The following WLS variants were observed in gnomAD, a reference collection of about 807,000 sequenced individuals.
WLS encodes protein wntless homolog.
WLS carries 23 observed loss-of-function variants against 62.8 expected under a neutral mutation model. That is an observed-to-expected ratio of 0.37 (90% CI 0.26 to 0.52). The LOEUF is 0.52. WLS is among the 20% of genes least tolerant of loss of function. WLS has a pLI of 0.92. For synonymous variants in WLS, 246 were observed against 244.1 expected, an observed-to-expected ratio of 1.01 and a Z score of -0.07; for missense variants, 615 against 697.3, an observed-to-expected ratio of 0.88 and a Z score of 1.33.
At chr1:68,226,416 A>G (rs1027433063) in intron 1 of WLS, among the ~76,000 whole-genome samples, 1 of 152,202 alleles carries the variant, frequency 6.6e-6, no homozygotes, top group Non-Finnish European at 1.5e-5. Flanking sequence ...TGTACAGATG[A>G]AATTAGACAG....
chr1:68,226,004 G>A (rs894536410), intron 1 of WLS, among the ~76,000 whole-genome samples: 4 of 152,192 alleles, frequency 2.6e-5, no homozygotes, highest in African/African-American at 9.7e-5. Flanking sequence ...AATGGAATTG[G>A]TTGGACTGGC....
chr1:68,125,111 A>G (rs1182840045), downstream of WLS, among the ~76,000 whole-genome samples: 1 of 152,214 alleles, frequency 6.6e-6, no homozygotes, highest in African/African-American at 2.4e-5. Flanking sequence ...TGAATAGGGC[A>G]GAGGACGGCT....
chr1:68,143,334 C>G (rs1646711660), intron 10 of WLS, among the ~76,000 whole-genome samples: 1 of 152,156 alleles, frequency 6.6e-6, no homozygotes, highest in African/African-American at 2.4e-5. Flanking sequence ...GTTCTGATCT[C>G]TAACTTATTG....
chr1:68,111,549 T>A (rs1248694875), intron 11 of WLS, among the ~76,000 whole-genome samples: 2 of 152,210 alleles, frequency 1.3e-5, no homozygotes, highest in African/African-American at 4.8e-5. Flanking sequence ...TGGGGGACCC[T>A]GCTGGCTAAA....
At chr1:68,190,987 G>T (rs904287086) in intron 2 of WLS, among the ~76,000 whole-genome samples, 1 of 151,776 alleles carries the variant, frequency 6.6e-6, no homozygotes, top group Non-Finnish European at 1.5e-5. Flanking sequence ...GATCACGGGA[G>T]GTGGAGGTTG....
chr1:68,126,292 G>A lies in WLS; in HGVS notation c.1560C>T (p.Thr520=). The A allele has an allele frequency of 1.2e-6, 2 of 1,614,146 alleles. No homozygotes were observed. Among genetic ancestry groups the A allele is most frequent in the Non-Finnish European group, 1.7e-6 (2 of 1,180,034 alleles). ...TGGGTCCGTCCACATGGGTGATAGT[G>A]GTGGTGAGCTGGAGTTCTTCCCCAC... is the stretch of plus-strand genomic sequence containing the variant. The part of the protein sequence containing the change: ...VHSGEELQLT[T]TITHVDGPTE... The change falls in exon 12 of 12, where the codon ACC becomes ACT. Residue 520 remains threonine (T), a synonymous_variant. Transcript: ENST00000262348.
At chr1:68,098,807 T>C in intron 11 of WLS, 2 of 1,580,778 alleles carry the variant, frequency 1.3e-6, no homozygotes, top group South Asian at 1.1e-5. Context: ...TAAAAAAATA[T>C]GTAACATGGA....
chr1:68,138,375 C>T (rs1646640536), intron 10 of WLS: 1 of 159,004 alleles, frequency 6.3e-6, no homozygotes, highest in Non-Finnish European at 1.4e-5. Flanking sequence ...TAGATTAATT[C>T]AAATCCAGTG....
At chr1:68,196,438 T>C (rs1648662131) in intron 1 of WLS, among the ~76,000 whole-genome samples, 1 of 152,094 alleles carries the variant, frequency 6.6e-6, no homozygotes, top group Non-Finnish European at 1.5e-5. Flanking sequence ...ATACTTGGTA[T>C]ATTATGTTTG....
intron 10 of WLS, among the ~76,000 whole-genome samples, chr1:68,140,006 A>T (rs765822896): frequency 2.6e-5 from 4 of 152,270 alleles, no homozygotes; most frequent in Non-Finnish European, 5.9e-5. Flanking sequence ...TAACACAAAT[A>T]TTAGCAAAGC....
chr1:68,126,885 G>A (rs759951514), intron 11 of WLS, among the ~76,000 whole-genome samples: 1 of 152,124 alleles, frequency 6.6e-6, no homozygotes, highest in Non-Finnish European at 1.5e-5. Context: ...CAACACATTT[G>A]CTATGAATAA....
chr1:68,188,956 T>C (rs2100589846), intron 2 of WLS, among the ~76,000 whole-genome samples: 1 of 152,364 alleles, frequency 6.6e-6, no homozygotes, highest in Non-Finnish European at 1.5e-5. Context: ...CTCCTCCTTA[T>C]CAGAGGTTTC....
intron 11 of WLS, among the ~76,000 whole-genome samples, chr1:68,110,217 TAAA>T (rs1463628515): frequency 6.6e-6 from 1 of 151,820 alleles, no homozygotes; most frequent in Admixed American, 6.6e-5. Context: ...AAAAGATTTT[TAAA>T]AAATTTAATT....
chr1:68,225,281 T>G (rs1650096978), intron 1 of WLS, among the ~76,000 whole-genome samples: 1 of 152,152 alleles, frequency 6.6e-6, no homozygotes, highest in African/African-American at 2.4e-5. Flanking sequence ...CCTTTTAGAT[T>G]CATCATTTTA....
intron 3 of WLS, among the ~76,000 whole-genome samples, chr1:68,155,540 C>A (rs1212513054): frequency 1.3e-5 from 2 of 152,194 alleles, no homozygotes; most frequent in Non-Finnish European, 2.9e-5. Context: ...TATCTCCTAA[C>A]ACCTTTCTAG....
chr1:68,123,936 A>G (rs140735814), downstream of WLS, among the ~76,000 whole-genome samples: 105 of 152,298 alleles, frequency 6.9e-4, no homozygotes, highest in African/African-American at 2.4e-3. Flanking sequence ...GGAAAGTTCT[A>G]GTACAGTCTG....
chr1:68,228,158 C>T (rs1571044958), intron 1 of WLS: 1 of 389,158 alleles, frequency 2.6e-6, no homozygotes, highest in Non-Finnish European at 5.0e-6. Flanking sequence ...ACATAAGTTA[C>T]CTTTTGGAAG....
At chr1:68,142,304 T>A (rs1379268359) in intron 10 of WLS, among the ~76,000 whole-genome samples, 4 of 152,200 alleles carry the variant, frequency 2.6e-5, no homozygotes. Flanking sequence ...AAAAGCGTCC[T>A]TCTTTCTGCT....
intron 1 of WLS, among the ~76,000 whole-genome samples, chr1:68,230,890 C>T (rs1289265792): frequency 6.6e-6 from 1 of 152,164 alleles, no homozygotes; most frequent in Non-Finnish European, 1.5e-5. Flanking sequence ...GCCAAGCACA[C>T]GACTGGAGGT....
Sources: allele counts gnomAD v4.1 joint callset (sites outside exome capture counted in the v4.1 genomes callset), GRCh38; gene constraint gnomAD v4.1.1; transcripts MANE v1.5; gene names NCBI Gene and HGNC (gene_info 2026-07-23, HGNC 2026-07-21).